The following EAF1 variants were observed in gnomAD, a reference collection of about 807,000 sequenced individuals.
The protein encoded by EAF1 is ELL associated factor 1, also known as ELL-associated factor 1.
In EAF1, 19 loss-of-function variants were observed where a neutral mutation model predicts 26.6. The ratio of observed to expected loss-of-function variants is 0.71; its 90% CI spans 0.50 to 1.05. The LOEUF is 1.05. Ranked by LOEUF, EAF1 falls within the 50% of genes least tolerant of loss-of-function variation. The probability of loss-of-function intolerance (pLI) is 0.00; values close to 1 mark genes in which losing one functional copy is unlikely to be tolerated. For synonymous variants in EAF1, 102 were observed against 120.6 expected (o/e 0.85, Z 1.01); for missense variants, 260 against 335.5 (o/e 0.78, Z 1.76).
At chr3:15,431,920 T>C (rs955410369) in intron 2 of EAF1, among the ~76,000 whole-genome samples, 167 bp from the exon 3 acceptor site, 2 of 152,236 alleles carry the variant, frequency 1.3e-5, no homozygotes, top group Non-Finnish European at 2.9e-5. Flanking sequence ...ATTTCTCCTT[T>C]ATTTTTGCCT....
At chr3:15,428,132 C>G (rs2061767486) in intron 1 of EAF1, among the ~76,000 whole-genome samples, 1 of 152,060 alleles carries the variant, frequency 6.6e-6, no homozygotes, top group Admixed American at 6.5e-5. Context: ...TTCCAAAGGT[C>G]TTTGGCCTCT....
intron 2 of EAF1, 41 bp from the exon 3 acceptor site, chr3:15,432,046 G>A: frequency 6.3e-7 from 1 of 1,595,136 alleles, no homozygotes; most frequent in African/African-American, 1.3e-5. Context: ...TTCATAACTG[G>A]TATGTTTAGT....
intron 3 of EAF1, chr3:15,433,242 A>G (rs960580963): frequency 3.9e-5 from 6 of 152,468 alleles, no homozygotes; most frequent in Non-Finnish European, 8.9e-5. Context: ...CTAAAAAAAA[A>G]AAAAAAAAAA....
chr3:15,428,183 G>A (rs2061768536), intron 1 of EAF1, among the ~76,000 whole-genome samples: 2 of 63,340 alleles, frequency 3.2e-5, no homozygotes, highest in African/African-American at 1.4e-4. Flanking sequence ...TCGCCCCTAA[G>A]GCAAACCTCC....
Position 15,434,314 on chromosome 3 carries a change from G to A in EAF1, c.336-34G>A, listed in dbSNP as rs2061821119. The A allele has an allele frequency of 1.9e-6, 3 of 1,599,602 alleles. No homozygotes were observed. In the African/African-American group the frequency reaches 4.0e-5, roughly 22 times the overall value. ...GACAAATTTGAGAACCACTATTTTT[G>A]CCCTGCTAATTTAATGTCTGTATCT... On this transcript the variant is annotated intron_variant, in intron 3 of 5. Coordinates refer to ENST00000396842, the MANE Select transcript of EAF1 (RefSeq NM_033083.7).
Position 15,427,770 on chromosome 3 carries a change from G to A in EAF1, c.-10G>A. 2 of 1,550,936 alleles carry A rather than the reference G, an allele frequency of 1.3e-6. No homozygotes were observed. The highest frequency in any genetic ancestry group is 1.7e-6 in the Non-Finnish European group (2 of 1,146,744). Reference sequence around the variant, plus strand: ...GAGCGCCGATCTGGGTGCGAGGCAGGTGCGGGGCCATGAATGGGACCGCAA... The same window carrying A: ...GAGCGCCGATCTGGGTGCGAGGCAGATGCGGGGCCATGAATGGGACCGCAA... On this transcript the variant is annotated 5_prime_UTR_variant, in exon 1 of 6. It adds an upstream start codon to the 5' untranslated region. Transcript: ENST00000396842.
At chr3:15,428,431 T>C (rs1317354627) in intron 1 of EAF1, among the ~76,000 whole-genome samples, 1 of 152,204 alleles carries the variant, frequency 6.6e-6, no homozygotes, top group Non-Finnish European at 1.5e-5. Context: ...TGGCATCCTC[T>C]CTGCGCCTCA....
rs771956094 is a variant in EAF1, at chr3:15,439,146, T to C, written c.798T>C (p.Ser266=). Residue 266 remains serine, a synonymous_variant, in exon 6 of 6, where the codon AGT becomes AGC. Transcript: ENST00000396842. ...AGTTGAGTGAGTCTGGCAGTGACAG[T>C]GATGACTAGTGCTGGATCTTTCGAA... The part of the protein sequence containing the change: ...DLQLSESGSD[S]DD The C allele has an allele frequency of 1.2e-6, 2 of 1,613,534 alleles. No individual in the cohort carries two copies. Among genetic ancestry groups the C allele is most frequent in the Admixed American group, 1.7e-5 (1 of 59,992 alleles).
rs1279700405 is a variant in EAF1, at chr3:15,427,633, C to T, written c.-147C>T. On this transcript the variant is annotated 5_prime_UTR_variant, in exon 1 of 6. Coordinates refer to ENST00000396842, the MANE Select transcript of EAF1 (RefSeq NM_033083.7). Reference sequence around the variant, plus strand: ...CCCACGCAGAGGAGAGAACTTGCTTCTGGACCCGGGTGGGTGCCGGCTCGG... The same window carrying T: ...CCCACGCAGAGGAGAGAACTTGCTTTTGGACCCGGGTGGGTGCCGGCTCGG... 3 of 776,766 alleles carry T rather than the reference C, an allele frequency of 3.9e-6. No homozygotes were observed. The highest frequency in any genetic ancestry group is 6.4e-6 in the Non-Finnish European group (3 of 472,344). The allele number at this position is 776,766 out of a possible 1,614,324, so 48.1% of individuals were successfully genotyped here. A position where few individuals can be genotyped will look rare whatever the true frequency, so the allele number is the denominator to read the frequency against.
At chr3:15,428,652 G>A (rs757097136) in intron 1 of EAF1, among the ~76,000 whole-genome samples, 5 of 152,140 alleles carry the variant, frequency 3.3e-5, no homozygotes, top group Non-Finnish European at 7.3e-5. Context: ...TCATTATGCC[G>A]GACCTTTTTC....
rs1041657478 is a variant in EAF1 at position 15,441,115 on chromosome 3, G to A, written c.*1960G>A. ...TGCTTGCACGTGGCACTGGCTTGGT[G>A]AGTCAAGCTTCCTGAGCTTCAGACC... On this transcript the variant is annotated 3_prime_UTR_variant, in exon 6 of 6. Transcript: ENST00000396842. The A allele has an allele frequency of 6.5e-6, 1 of 152,798 alleles. No homozygotes were observed. The highest frequency in any genetic ancestry group is 1.5e-5 in the Non-Finnish European group (1 of 68,060). 9.5% of individuals were successfully genotyped at this position (152,798 alleles called of 1,614,324 possible). A position where few individuals can be genotyped will look rare whatever the true frequency, so the allele number is the denominator to read the frequency against.
At position 15,428,216 on chromosome 3, in the gene EAF1, CCT is replaced by C. The variant is rs544656986; in HGVS notation, c.103+337_103+338del. Among the ~76,000 whole-genome samples the C allele has an allele frequency of 1.3e-3, 204 of 151,358 alleles. 1 individual carries two copies. Among genetic ancestry groups the C allele is most frequent in the African/African-American group, 4.7e-3 (192 of 41,122 alleles). On this transcript the variant is annotated intron_variant, in intron 1 of 5. Transcript: ENST00000396842. ...TCCCTCCCCCAAGGCAAACCTCCCC[CCT>C]CTTATCCGGGTCCACTTCTCCCTCG...
chr3:15,436,168 T>G, intron 4 of EAF1, 174 bp from the exon 5 acceptor site: 2 of 458,632 alleles, frequency 4.4e-6, no homozygotes, highest in Non-Finnish European at 3.9e-6. Flanking sequence ...AAACAGGCTG[T>G]GTTTTTGTTT....
chr3:15,436,167 GTGTTTT>G (rs1042009432), intron 4 of EAF1, 169 bp from the exon 5 acceptor site: 8 of 463,322 alleles, frequency 1.7e-5, no homozygotes, highest in Non-Finnish European at 2.7e-5. Flanking sequence ...GAAACAGGCT[GTGTTTT>G]TGTTTTGGTA....
At position 15,439,121 on chromosome 3, in the gene EAF1, A is replaced by G; in HGVS notation, c.773A>G (p.Gln258Arg). The G allele has an allele frequency of 6.2e-7, 1 of 1,612,696 alleles. No homozygotes were observed. The highest frequency in any genetic ancestry group is 8.5e-7 in the Non-Finnish European group (1 of 1,179,534). ...TTTTTTTAAATAGGAAATGACTTGC[A>G]GTTGAGTGAGTCTGGCAGTGACAGT... The part of the protein sequence containing the change: ...QLMNTLRNDL[Q>R]LSESGSDSDD Residue 258 changes from glutamine (Q) to arginine (R), a missense_variant, in exon 6 of 6, where the codon CAG (glutamine) becomes CGG (arginine). Transcript: ENST00000396842.
intron 2 of EAF1, among the ~76,000 whole-genome samples, chr3:15,431,823 C>T (rs1003253100): frequency 3.9e-5 from 6 of 152,158 alleles, no homozygotes; most frequent in African/African-American, 9.7e-5. Flanking sequence ...ATTTTTCTCT[C>T]TTGGAACGTA....
chr3:15,430,457 C>G (rs1334328657), intron 2 of EAF1, among the ~76,000 whole-genome samples: 1 of 92,978 alleles, frequency 1.1e-5, no homozygotes, highest in Non-Finnish European at 2.1e-5. Flanking sequence ...GAGACTCCCC[C>G]TCAAAAAAAA....
At chr3:15,433,059 T>C (rs2061811491) in intron 3 of EAF1, 1 of 152,070 alleles carries the variant, frequency 6.6e-6, no homozygotes, top group African/African-American at 2.4e-5. Context: ...TTGTTTTATC[T>C]AACAAGTAAT....
At chr3:15,428,179 C>T (rs1345716025) in intron 1 of EAF1, among the ~76,000 whole-genome samples, 1 of 150,444 alleles carries the variant, frequency 6.6e-6, no homozygotes, top group Admixed American at 6.7e-5. Flanking sequence ...AACCTCGCCC[C>T]TAAGGCAAAC....
Sources: gnomAD v4.1 joint callset for allele counts (sites outside exome capture counted in the v4.1 genomes callset) on GRCh38, gnomAD v4.1.1 for gene constraint, MANE v1.5 for transcripts, NCBI Gene and HGNC (gene_info 2026-07-23, HGNC 2026-07-21) for gene names.